ADRM1: variants seen among roughly 807,000 people sequenced by gnomAD.
The protein encoded by ADRM1 is proteasomal ubiquitin receptor ADRM1.
A neutral mutation model predicts 40.1 loss-of-function variants in ADRM1; 2 were observed. The ratio of observed to expected loss-of-function variants is 0.05; its 90% CI spans 0.02 to 0.16. ADRM1 has a LOEUF of 0.16. Among genes scored for constraint, ADRM1 ranks in the 10% least tolerant of loss-of-function variants. ADRM1 has a pLI of 1.00. For synonymous variants in ADRM1, 287 were observed against 240.4 expected, an observed-to-expected ratio of 1.19 and a Z score of -1.79; for missense variants, 467 against 552.5, an observed-to-expected ratio of 0.85 and a Z score of 1.55.
chr20:62,304,340 G>A, intron 2 of ADRM1, 121 bp from the exon 3 acceptor site: 1 of 753,954 alleles, frequency 1.3e-6, no homozygotes, highest in African/African-American at 1.7e-5. Context: ...CGAGGGGTCT[G>A]GCGGCTTAGC....
chr20:62,306,868 C>T, intron 5 of ADRM1, 134 bp downstream of exon 5: 1 of 914,778 alleles, frequency 1.1e-6, no homozygotes, highest in South Asian at 1.7e-5. Context: ...AGCTGGTTCC[C>T]CTTTGGGAAT....
chr20:62,304,738 T>C (rs757179978), intron 3 of ADRM1, among the ~76,000 whole-genome samples, 161 bp downstream of exon 3: 1 of 152,254 alleles, frequency 6.6e-6, no homozygotes, highest in Non-Finnish European at 1.5e-5. Flanking sequence ...GCATGCTACC[T>C]GGGGCCGAGG....
At chr20:62,304,799 C>T (rs552878579) in intron 3 of ADRM1, among the ~76,000 whole-genome samples, 5 of 152,354 alleles carry the variant, frequency 3.3e-5, no homozygotes, top group African/African-American at 1.2e-4. Flanking sequence ...CAACCGATTG[C>T]GGTGTGAAAT....
chr20:62,304,311 C>T lies in ADRM1; in HGVS notation c.214-150C>T. ...CTGTCTCTGACCCTGGCTTCTCTGC[C>T]TTGTGGAGACCCTGCCAGCGAGGGG... On this transcript the variant is annotated intron_variant, in intron 2 of 9. Coordinates refer to ENST00000253003, the MANE Select transcript of ADRM1 (RefSeq NM_007002.4). The T allele has an allele frequency of 7.8e-6, 5 of 641,248 alleles. No individual in the cohort carries two copies. The South Asian group carries it at 8.8e-5, about 11-fold the overall frequency. 39.7% of individuals were successfully genotyped at this position (641,248 alleles called of 1,614,324 possible).
intron 3 of ADRM1, 53 bp from the exon 4 acceptor site, chr20:62,306,144 G>A: frequency 1.3e-6 from 2 of 1,578,858 alleles, no homozygotes; most frequent in Middle Eastern, 1.7e-4. Context: ...GGCTGTGGTG[G>A]CCCTGGGTGA....
chr20:62,308,862 ATGCTT>A, downstream of ADRM1: 1 of 1,506,740 alleles, frequency 6.6e-7, no homozygotes, highest in Non-Finnish European at 8.9e-7. Context: ...TTACCTGCCA[ATGCTT>A]AGTTTCTTTG....
chr20:62,308,633 TTG>T lies in ADRM1; in HGVS notation c.1118-18_1118-17del, dbSNP rs1370902253. The T allele has an allele frequency of 1.2e-6, 2 of 1,612,338 alleles. No homozygotes were observed. Among genetic ancestry groups the T allele is most frequent in the Non-Finnish European group, 8.5e-7 (1 of 1,179,702 alleles). On this transcript the variant is annotated intron_variant, in intron 9 of 9. Coordinates refer to ENST00000253003, the MANE Select transcript of ADRM1 (RefSeq NM_007002.4). Reference sequence around the variant, plus strand: ...TTCTGGGCAAGGGTTAGACACCACCTTGTGTCTTTAACGTGTTCTAGATGTGG... The same window carrying T: ...TTCTGGGCAAGGGTTAGACACCACCTTGTCTTTAACGTGTTCTAGATGTGG...
intron 2 of ADRM1, chr20:62,304,075 G>A: frequency 1.9e-6 from 1 of 516,446 alleles, no homozygotes; most frequent in Non-Finnish European, 3.5e-6. Flanking sequence ...TGGAGGTGTG[G>A]CCCTGGAGAG....
intron 4 of ADRM1, 94 bp from the exon 5 acceptor site, chr20:62,306,554 G>T: frequency 7.3e-7 from 1 of 1,373,978 alleles, no homozygotes; most frequent in East Asian, 2.5e-5. Context: ...TTCAGGGGCA[G>T]CCGAGTGCGG....
chr20:62,307,664 C>T lies in ADRM1; in HGVS notation c.692C>T (p.Pro231Leu), dbSNP rs373938952. The T allele has an allele frequency of 3.1e-6, 5 of 1,612,190 alleles. No homozygotes were observed. In the African/African-American group the frequency reaches 5.3e-5, roughly 17 times the overall value. ...TCTTCCACCCGTGCCACCCCAGCCC[C>T]TTCTGCTCCAGCAGCTGCCTCAGCA... ...TTSSTRATPA[P>L]SAPAAASATS... Residue 231 changes from proline to leucine, a missense_variant, in exon 7 of 10, where the codon CCT becomes CTT. Physicochemically the swap from Pro to Leu is moderately conservative, Grantham distance 98. Around this residue, in one of 3 missense-constraint regions of ADRM1, gnomAD observed 418 missense variants for 474.6 expected, o/e 0.88. Coordinates refer to ENST00000253003, the MANE Select transcript of ADRM1 (RefSeq NM_007002.4).
Position 62,308,183 on chromosome 20 carries a change from A to T in ADRM1, c.1014+5A>T, listed in dbSNP as rs1477835356. The T allele has an allele frequency of 1.3e-6, 2 of 1,599,542 alleles. No homozygotes were observed. Among genetic ancestry groups the T allele is most frequent in the African/African-American group, 2.7e-5 (2 of 74,976 alleles). On this transcript the variant is annotated splice_donor_5th_base_variant and intron_variant, in intron 8 of 9. Transcript: ENST00000253003. ...ACCTCGCCCCAGTTCCAGCAGGTAG[A>T]GGCCGGGCCCAGGGTGTCCTCCACT... is the stretch of plus-strand genomic sequence containing the variant.
At chr20:62,304,175 G>A (rs1394900641) in intron 2 of ADRM1, 5 of 497,454 alleles carry the variant, frequency 1.0e-5, no homozygotes, top group Non-Finnish European at 1.8e-5. Flanking sequence ...GCAGTTCAGC[G>A]TTGACTTTTT....
intron 2 of ADRM1, chr20:62,304,063 G>T: frequency 1.9e-6 from 1 of 525,176 alleles, no homozygotes. Context: ...GGTGCCTGGG[G>T]TTGGAGGTGT....
At chr20:62,307,130 A>G (rs2146005642) in intron 5 of ADRM1, among the ~76,000 whole-genome samples, 1 of 152,312 alleles carries the variant, frequency 6.6e-6, no homozygotes, top group East Asian at 1.9e-4. Context: ...TCTGGACTGA[A>G]TCTTCTAATC....
At chr20:62,307,559 G>A in intron 6 of ADRM1, 37 bp from the exon 7 acceptor site, 2 of 1,602,568 alleles carry the variant, frequency 1.2e-6, no homozygotes, top group Non-Finnish European at 1.7e-6. Context: ...TGCCGTGTGG[G>A]GCGTGTCCGC....
chr20:62,308,815 A>C lies in ADRM1; in HGVS notation c.*54A>C, dbSNP rs1601254738. The C allele has an allele frequency of 6.3e-7, 1 of 1,589,804 alleles. No individual in the cohort carries two copies. Among genetic ancestry groups the C allele is most frequent in the Non-Finnish European group, 8.6e-7 (1 of 1,169,474 alleles). On this transcript the variant is annotated 3_prime_UTR_variant, in exon 10 of 10. Transcript: ENST00000253003. Reference sequence around the variant, plus strand: ...CGCTTGCAGTGCGTTGCACACCCTCACCTCCCACCCACTGATTATTAATAA... The same window carrying C: ...CGCTTGCAGTGCGTTGCACACCCTCCCCTCCCACCCACTGATTATTAATAA...
intron 7 of ADRM1, 55 bp downstream of exon 7, chr20:62,307,883 C>T (rs923510876): frequency 2.7e-5 from 42 of 1,557,506 alleles, no homozygotes; most frequent in Admixed American, 7.5e-5. Context: ...TGCTGACCCT[C>T]GCACGCTCAC....
rs1315782965 is a variant in ADRM1 at position 62,304,457 on chromosome 20, C to T, written c.214-4C>T. On this transcript the variant is annotated splice_polypyrimidine_tract_variant and splice_region_variant and intron_variant, in intron 2 of 9. Transcript: ENST00000253003. ...ACTGACTCTCTCTTCCCCTGGCTTG[C>T]CAGGACTTGATCATCTTCCCTGACG... The T allele has an allele frequency of 2.5e-6, 4 of 1,612,518 alleles. No individual in the cohort carries two copies. Among genetic ancestry groups the T allele is most frequent in the Middle Eastern group, 3.3e-4 (2 of 6,054 alleles).
In ADRM1 at chr20:62,306,639, G is replaced by A. The variant is rs1439294401; in HGVS notation, c.455-9G>A. 1 of 1,604,166 alleles carries A rather than the reference G, an allele frequency of 6.2e-7. No individual in the cohort carries two copies. The highest frequency in any genetic ancestry group is 1.3e-5 in the African/African-American group (1 of 74,834). On this transcript the variant is annotated splice_polypyrimidine_tract_variant and intron_variant, in intron 4 of 9. Coordinates refer to ENST00000253003, the MANE Select transcript of ADRM1 (RefSeq NM_007002.4). ...GGGGCAGGCCCGCCTGAGCTGCAGT[G>A]TTTTCCAGGTGAGGGTGGCCTGCAG... is the stretch of plus-strand genomic sequence containing the variant.
Sources: allele counts gnomAD v4.1 joint callset (sites outside exome capture counted in the v4.1 genomes callset), GRCh38; gene constraint gnomAD v4.1.1; regional missense constraint gnomAD v4.1.1; transcripts MANE v1.5; gene names NCBI Gene and HGNC (gene_info 2026-07-23, HGNC 2026-07-21).